The following KANK2 variants were observed in gnomAD, a reference collection of about 807,000 sequenced individuals.
KANK2 encodes the protein KN motif and ankyrin repeat domain-containing protein 2.
A neutral mutation model predicts 74.6 loss-of-function variants in KANK2; 41 were observed. The observed-to-expected ratio is 0.55, with a 90% CI of 0.43 to 0.71. KANK2 has a LOEUF of 0.71. KANK2 is among the 30% of genes least tolerant of loss of function. The pLI is 0.00. For synonymous variants in KANK2, 537 were observed against 519.0 expected, an observed-to-expected ratio of 1.03 and a Z score of -0.47; for missense variants, 1,148 against 1,196.4, an observed-to-expected ratio of 0.96 and a Z score of 0.60.
rs374248651 is a variant in KANK2, at chr19:11,193,088, C to G, written c.992G>C (p.Arg331Pro). The part of the protein sequence containing the change: ...PDSPVRVDTV[R>P]VVEGPREVEV... ...CACCTCCCGTGGCCCTTCTACCACC[C>G]GGACTGTATCCACGCGGACCGGGCT... The change falls in exon 4 of 13, where the codon CGG (arginine) becomes CCG (proline). Residue 331 changes from arginine to proline, a missense_variant. Arg to Pro is a moderately radical substitution (Grantham distance 103, BLOSUM62 -2). Transcript: ENST00000586659. The surrounding 1 kb of genome is among the most constrained non-coding windows in gnomAD (Gnocchi z 9.6). 2 of 1,609,146 alleles carry G rather than the reference C, an allele frequency of 1.2e-6. No individual in the cohort carries two copies. Among genetic ancestry groups the G allele is most frequent in the Non-Finnish European group, 1.7e-6 (2 of 1,177,910 alleles).
chr19:11,190,293 A>G (rs939156802), intron 4 of KANK2, among the ~76,000 whole-genome samples: 5 of 151,774 alleles, frequency 3.3e-5, no homozygotes, highest in African/African-American at 1.2e-4. Flanking sequence ...ACGCCCAGCT[A>G]ATTTTTGTAT....
At position 11,192,836 on chromosome 19, in the gene KANK2, G is replaced by T; in HGVS notation, c.1244C>A (p.Ala415Glu). 1 of 1,609,594 alleles carries T rather than the reference G, an allele frequency of 6.2e-7. No individual in the cohort carries two copies. Among genetic ancestry groups the T allele is most frequent in the Non-Finnish European group, 8.5e-7 (1 of 1,178,808 alleles). The change falls in exon 4 of 13, where the codon GCA (alanine) becomes GAA (glutamate). Residue 415 changes from alanine to glutamate, a missense_variant. Physicochemically the swap from Ala to Glu is moderately radical, Grantham distance 107 (BLOSUM62 -1). Coordinates refer to ENST00000586659, the MANE Select transcript of KANK2 (RefSeq NM_001136191.3). The stretch of plus-strand genomic sequence containing the variant: ...GCCTGCCTGCGACCGCTTACCTGCT[G>T]CTCCATCGCAGCTTCGCTCTGTGAT... ...ISITERSCDGAAGLPEVPAES... is the reference protein window; with the variant it reads ...ISITERSCDGEAGLPEVPAES...
At position 11,178,690 on chromosome 19, in the gene KANK2, G is replaced by C. The variant is rs200227484; in HGVS notation, c.1280C>G (p.Ser427Trp). The change falls in exon 5 of 13, where the codon TCG (serine) becomes TGG (tryptophan). Residue 427 changes from serine to tryptophan, a missense_variant. Transcript: ENST00000586659. ...GLPEVPAESS[S>W]SPPGSEVASL... ...GGCTACCTCGGACCCCGGGGGTGACGAAGACGATTCGGCAGGAACTTCTGG... is the reference window on the plus strand; with the variant it reads ...GGCTACCTCGGACCCCGGGGGTGACCAAGACGATTCGGCAGGAACTTCTGG... 1.3e-6 allele frequency: 2 copies of C among 1,539,728 alleles called. No individual in the cohort carries two copies. The highest frequency in any genetic ancestry group is 1.7e-6 in the Non-Finnish European group (2 of 1,148,512).
At chr19:11,172,669 C>A (rs541027370) in intron 10 of KANK2, among the ~76,000 whole-genome samples, 1 of 152,166 alleles carries the variant, frequency 6.6e-6, no homozygotes, top group Non-Finnish European at 1.5e-5. Flanking sequence ...GCTTGAAGAA[C>A]GGGCTAGTGA....
intron 4 of KANK2, among the ~76,000 whole-genome samples, chr19:11,184,252 T>C (rs1204017816): frequency 3.3e-5 from 5 of 149,944 alleles, no homozygotes; most frequent in African/African-American, 1.2e-4. Flanking sequence ...GGCAGGCACC[T>C]GTAATCCCAG....
intron 12 of KANK2, 182 bp downstream of exon 12, chr19:11,169,695 G>A: frequency 1.6e-6 from 1 of 607,926 alleles, no homozygotes; most frequent in South Asian, 2.0e-5. Flanking sequence ...CAGCTACTCA[G>A]GAGGCTGAGG....
At chr19:11,196,304 C>A (rs1001298199) in intron 1 of KANK2, 15 of 152,256 alleles carry the variant, frequency 9.9e-5, no homozygotes, top group African/African-American at 3.6e-4. Flanking sequence ...GTGATCCGCC[C>A]GCCTTGGCCT....
At chr19:11,177,175 C>T (rs1277252297) in intron 6 of KANK2, among the ~76,000 whole-genome samples, 1 of 146,304 alleles carries the variant, frequency 6.8e-6, no homozygotes, top group Non-Finnish European at 1.5e-5. Flanking sequence ...CAAACTCTGC[C>T]TCCTGGGTTC....
chr19:11,185,241 G>A (rs2078643631), intron 4 of KANK2, among the ~76,000 whole-genome samples: 1 of 145,252 alleles, frequency 6.9e-6, no homozygotes, highest in African/African-American at 2.5e-5. Flanking sequence ...GCAACATGGT[G>A]GAACCCCATC....
At chr19:11,177,254 T>C in intron 6 of KANK2, among the ~76,000 whole-genome samples, 1 of 152,072 alleles carries the variant, frequency 6.6e-6, no homozygotes. Context: ...GCTCGGCTAA[T>C]TTTTGTATTT....
rs1032346560 is a variant in KANK2, at chr19:11,172,844, G to T, written c.2211+137C>A. Reference sequence around the variant, plus strand: ...TACTCCTTCTAGTTTCCACAAGAAGGTCCTGTGTCAGAGACAGCCTGGCCA... The same window carrying T: ...TACTCCTTCTAGTTTCCACAAGAAGTTCCTGTGTCAGAGACAGCCTGGCCA... On this transcript the variant is annotated intron_variant, in intron 10 of 12. Transcript: ENST00000586659. The T allele has an allele frequency of 3.2e-5, 28 of 870,190 alleles. No individual in the cohort carries two copies. In the African/African-American group the frequency reaches 3.9e-4, roughly 12 times the overall value. The allele number at this position is 870,190 out of a possible 1,614,324, so 53.9% of individuals were successfully genotyped here. A position where few individuals can be genotyped will look rare whatever the true frequency, so the allele number is the denominator to read the frequency against.
intron 5 of KANK2, 36 bp from the exon 6 acceptor site, chr19:11,178,483 C>A (rs1211005770): frequency 6.2e-7 from 1 of 1,601,202 alleles, no homozygotes; most frequent in East Asian, 2.3e-5. Context: ...TGTGAGAGTC[C>A]TTCAGGGCCA....
intron 12 of KANK2, 134 bp from the exon 13 acceptor site, chr19:11,166,745 G>A (rs537362551): frequency 1.3e-5 from 10 of 754,876 alleles, no homozygotes; most frequent in South Asian, 3.1e-5. Context: ...AGGAGGTGGC[G>A]ATCTGGGGGC....
At chr19:11,186,663 C>T (rs2078685762) in intron 4 of KANK2, among the ~76,000 whole-genome samples, 1 of 152,104 alleles carries the variant, frequency 6.6e-6, no homozygotes, top group South Asian at 2.1e-4. Flanking sequence ...CACACCACTG[C>T]ACTCCAGCCT....
chr19:11,172,261 G>A (rs1177742869), intron 10 of KANK2, among the ~76,000 whole-genome samples: 1 of 152,184 alleles, frequency 6.6e-6, no homozygotes. Flanking sequence ...ATAGGCATGA[G>A]CCATGGCGCC....
At position 11,181,916 on chromosome 19, in the gene KANK2, ATTTTTT is replaced by A. The variant is rs371144441; in HGVS notation, c.1250-3202_1250-3197del. On this transcript the variant is annotated intron_variant, in intron 4 of 12. Coordinates refer to ENST00000586659, the MANE Select transcript of KANK2 (RefSeq NM_001136191.3). ...TACTCAAACATGGATAAGATGGTTA[ATTTTTT>A]TTTTTTTTTTTTTGAGACGGAGTCT... Among the ~76,000 whole-genome samples, 8 of 132,918 alleles carry A rather than the reference ATTTTTT, an allele frequency of 6.0e-5. 1 individual carries two copies. The highest frequency in any genetic ancestry group is 2.3e-4 in the African/African-American group (8 of 35,308). The allele number at this position is 132,918 out of a possible 152,430, so 87.2% of individuals were successfully genotyped here.
Position 11,193,890 on chromosome 19 carries a change from C to T in KANK2, c.190G>A (p.Val64Met), listed in dbSNP as rs1389343756. 1 of 1,613,574 alleles carries T rather than the reference C, an allele frequency of 6.2e-7. No individual in the cohort carries two copies. The highest frequency in any genetic ancestry group is 2.2e-5 in the East Asian group (1 of 44,886). Residue 64 changes from valine to methionine, a missense_variant, in exon 4 of 13, where the codon GTG becomes ATG. Transcript: ENST00000586659. This position sits in a 1 kb window ranked among gnomAD's most constrained non-coding sequence, Gnocchi z 9.6. ...EKGHTLRRVAVQRRPRLSSLP... is the reference protein window; with the variant it reads ...EKGHTLRRVAMQRRPRLSSLP... ...GAGCTCAGGCGGGGGCGGCGCTGCA[C>T]TGCCACGCGTCGCAGCGTGTGGCCC...
chr19:11,186,371 G>C (rs763926622), intron 4 of KANK2, among the ~76,000 whole-genome samples: 1 of 151,214 alleles, frequency 6.6e-6, no homozygotes, highest in Non-Finnish European at 1.5e-5. Flanking sequence ...CTGAGAAACA[G>C]AGCAAGACTC....
Position 11,178,749 on chromosome 19 carries a change from C to CT in KANK2, c.1250-30dup, listed in dbSNP as rs759170512. 2.0e-6 allele frequency: 3 copies of CT among 1,490,344 alleles called. No homozygotes were observed. The African/African-American group carries it at 4.4e-5, about 22-fold the overall frequency. 92.3% of individuals were successfully genotyped at this position (1,490,344 alleles called of 1,614,324 possible). On this transcript the variant is annotated intron_variant, in intron 4 of 12. Coordinates refer to ENST00000586659, the MANE Select transcript of KANK2 (RefSeq NM_001136191.3). ...GAGGGACAGGAAATGAGTGTCTGCTCTTGGTCATAAAAGCCAAACCACCAC... is the reference window on the plus strand; with the variant it reads ...GAGGGACAGGAAATGAGTGTCTGCTCTTTGGTCATAAAAGCCAAACCACCAC...
Sources: gnomAD v4.1 joint callset for allele counts (sites outside exome capture counted in the v4.1 genomes callset) on GRCh38, gnomAD v4.1.1 for gene constraint, Gnocchi (gnomAD v3.1) non-coding constraint, MANE v1.5 for transcripts, NCBI Gene and HGNC (gene_info 2026-07-23, HGNC 2026-07-21) for gene names.